Variants in FOXO3 observed in about 807,000 individuals in gnomAD.
FOXO3 encodes the protein forkhead box protein O3.
In FOXO3, 4 loss-of-function variants were observed where a neutral mutation model predicts 41.9. That is an observed-to-expected ratio of 0.10 (90% CI 0.05 to 0.22). The LOEUF (loss-of-function observed/expected upper bound fraction) is 0.22, where lower values mean the gene tolerates loss of function less well. FOXO3 is among the 10% of genes least tolerant of loss of function. The pLI is 1.00. For synonymous variants in FOXO3, 318 were observed against 389.3 expected, an observed-to-expected ratio of 0.82 and a Z score of 2.16; for missense variants, 534 against 906.8, an observed-to-expected ratio of 0.59 and a Z score of 5.28.
chr6:108,579,781 T>C (rs1419532633), intron 1 of FOXO3, among the ~76,000 whole-genome samples: 1 of 151,940 alleles, frequency 6.6e-6, no homozygotes, highest in Admixed American at 6.6e-5. Flanking sequence ...CCAGTAGCAG[T>C]CCAGAAGGCT....
intron 1 of FOXO3, among the ~76,000 whole-genome samples, chr6:108,588,690 C>T (rs1183391206): frequency 6.6e-6 from 1 of 152,174 alleles, no homozygotes; most frequent in Non-Finnish European, 1.5e-5. Flanking sequence ...TGCAGTGCCT[C>T]GCTGACTGGG....
At chr6:108,572,277 C>T (rs1776123834) in intron 1 of FOXO3, among the ~76,000 whole-genome samples, 1 of 152,166 alleles carries the variant, frequency 6.6e-6, no homozygotes, top group African/African-American at 2.4e-5. Flanking sequence ...AAGAAGCCTC[C>T]TTTTGGCCCT....
At chr6:108,590,842 G>T (rs1336184917) in intron 1 of FOXO3, among the ~76,000 whole-genome samples, 1 of 152,228 alleles carries the variant, frequency 6.6e-6, no homozygotes, top group Non-Finnish European at 1.5e-5. Flanking sequence ...TATTGGGATT[G>T]TGGCGCTTTT....
At chr6:108,588,150 ATG>A (rs1776636759) in intron 1 of FOXO3, among the ~76,000 whole-genome samples, 5 of 152,238 alleles carry the variant, frequency 3.3e-5, no homozygotes, top group Admixed American at 6.5e-5. Context: ...TCATTTACGA[ATG>A]TGTTTTATCA....
intron 1 of FOXO3, among the ~76,000 whole-genome samples, chr6:108,572,273 C>G (rs900728694): frequency 2.0e-5 from 3 of 152,132 alleles, no homozygotes; most frequent in Non-Finnish European, 4.4e-5. Context: ...GAAGAAGAAG[C>G]CTCCTTTTGG....
chr6:108,631,370 A>G (rs1365847337), intron 1 of FOXO3, among the ~76,000 whole-genome samples: 2 of 152,116 alleles, frequency 1.3e-5, no homozygotes, highest in African/African-American at 4.8e-5. Context: ...AGATAAATGG[A>G]GTATTGCTGT....
chr6:108,577,888 T>C (rs1050720240), intron 1 of FOXO3, among the ~76,000 whole-genome samples: 1 of 152,220 alleles, frequency 6.6e-6, no homozygotes, highest in Non-Finnish European at 1.5e-5. Context: ...TGGGGTCTCC[T>C]CTTCTTTAAT....
At chr6:108,575,066 G>C (rs546644266) in intron 1 of FOXO3, among the ~76,000 whole-genome samples, 6 of 152,310 alleles carry the variant, frequency 3.9e-5, no homozygotes, top group African/African-American at 1.4e-4. Flanking sequence ...CTGGGTACAA[G>C]CCTGAAGTGT....
intron 2 of FOXO3, among the ~76,000 whole-genome samples, chr6:108,667,437 T>C (rs1172379817): frequency 6.6e-6 from 1 of 152,216 alleles, no homozygotes; most frequent in East Asian, 1.9e-4. Context: ...AAGTTTTAAT[T>C]TGAGTGTAAT....
intron 1 of FOXO3, among the ~76,000 whole-genome samples, chr6:108,600,546 CAAAAA>C (rs56888212): frequency 6.3e-5 from 3 of 47,774 alleles, no homozygotes; most frequent in African/African-American, 1.1e-4. Flanking sequence ...GTCTCCATCT[CAAAAA>C]AAAAAAAAAA....
intron 1 of FOXO3, among the ~76,000 whole-genome samples, chr6:108,569,987 G>GTTTTTTTTTTTTTTTTTTTTTTTTT (rs71015551): frequency 1.4e-5 from 1 of 73,246 alleles, no homozygotes; most frequent in Non-Finnish European, 2.4e-5. Context: ...CCCTTGCGTG[G>GTTTTTTTTTTTTTTTTTTTTTTTTT]TTTTTTTTTT....
At chr6:108,655,856 C>T (rs890469659) in intron 1 of FOXO3, among the ~76,000 whole-genome samples, 2 of 152,114 alleles carry the variant, frequency 1.3e-5, no homozygotes, top group African/African-American at 2.4e-5. Context: ...TCAGCAGACG[C>T]GTATGTTAGA....
chr6:108,654,056 G>A (rs370179045), intron 1 of FOXO3, among the ~76,000 whole-genome samples: 33 of 152,272 alleles, frequency 2.2e-4, no homozygotes, highest in East Asian at 1.7e-3. Context: ...CTGTCATCTC[G>A]CTGACTGCAC....
At position 108,626,104 on chromosome 6, in the gene FOXO3, A is replaced by T. The variant is rs144493251; in HGVS notation, c.622-37351A>T. ...AAGCATACTTCAGTGTGATCCTGGGATGTCTAGAAAAGGCTAGATTATGTC... is the reference window on the plus strand; with the variant it reads ...AAGCATACTTCAGTGTGATCCTGGGTTGTCTAGAAAAGGCTAGATTATGTC... On this transcript the variant is annotated intron_variant, in intron 1 of 2. Transcript: ENST00000406360. Among the ~76,000 whole-genome samples, 65 of 152,334 alleles carry T rather than the reference A, an allele frequency of 4.3e-4. No individual in the cohort carries two copies. In the East Asian group the frequency reaches 0.012, roughly 28 times the overall value.
intron 1 of FOXO3, among the ~76,000 whole-genome samples, chr6:108,643,513 A>C (rs999031174): frequency 6.6e-6 from 1 of 152,242 alleles, no homozygotes; most frequent in Non-Finnish European, 1.5e-5. Flanking sequence ...CAAGATGAGC[A>C]ACACTCAGAA....
In FOXO3 at chr6:108,683,939, G is replaced by A. The variant is rs1770966776; in HGVS notation, c.*4147G>A. ...GTGAAGTTCTGATGGAATCATGCCT[G>A]TCAAATGAGGTCTTGAAGCGGATGC... is the stretch of plus-strand genomic sequence containing the variant. On this transcript the variant is annotated 3_prime_UTR_variant, in exon 3 of 3. Transcript: ENST00000406360. 1 of 152,622 alleles carries A rather than the reference G, an allele frequency of 6.6e-6. No individual in the cohort carries two copies. Among genetic ancestry groups the A allele is most frequent in the African/African-American group, 2.4e-5 (1 of 41,462 alleles). 9.5% of individuals were successfully genotyped at this position (152,622 alleles called of 1,614,324 possible).
chr6:108,630,495 G>A lies in FOXO3; in HGVS notation c.622-32960G>A, dbSNP rs117741693. Among the ~76,000 whole-genome samples, 679 of 152,258 alleles carry A rather than the reference G, an allele frequency of 4.5e-3. 1 individual carries two copies. The highest frequency in any genetic ancestry group is 8.3e-3 in the Non-Finnish European group (562 of 68,010). On this transcript the variant is annotated intron_variant, in intron 1 of 2. Transcript: ENST00000406360. ...TTGAGGTGGCTAGGGTAGTATTGCG[G>A]ACCTGGCTGCTCAAGGGAGCTGTTG...
intron 1 of FOXO3, among the ~76,000 whole-genome samples, chr6:108,607,190 G>A (rs1222294528): frequency 2.0e-5 from 3 of 152,138 alleles, no homozygotes; most frequent in African/African-American, 7.2e-5. Flanking sequence ...AGTGGCTCAA[G>A]CCTGTAATCC....
At chr6:108,667,017 CA>C (rs1432469185) in intron 2 of FOXO3, among the ~76,000 whole-genome samples, 1 of 152,198 alleles carries the variant, frequency 6.6e-6, no homozygotes, top group Non-Finnish European at 1.5e-5. Context: ...AAGGACTTAA[CA>C]AGGGTCTCCT....
Sources: allele counts gnomAD v4.1 joint callset (sites outside exome capture counted in the v4.1 genomes callset), GRCh38; gene constraint gnomAD v4.1.1; transcripts MANE v1.5; gene names NCBI Gene and HGNC (gene_info 2026-07-23, HGNC 2026-07-21).